Variants in FSIP2 observed in about 807,000 individuals in gnomAD.
The protein encoded by FSIP2 is fibrous sheath-interacting protein 2.
FSIP2 carries 367 observed loss-of-function variants against 510.5 expected under a neutral mutation model. The ratio of observed to expected loss-of-function variants is 0.72; its 90% confidence interval spans 0.66 to 0.78. The LOEUF (loss-of-function observed/expected upper bound fraction) is 0.78. Ranked by LOEUF, FSIP2 falls within the 30% of genes least tolerant of loss-of-function variation. The probability of loss-of-function intolerance (pLI) is 0.00; values close to 1 mark genes in which losing one functional copy is unlikely to be tolerated. For synonymous variants in FSIP2, 2,601 were observed against 2,732.2 expected (o/e 0.95, Z 1.50); for missense variants, 7,594 against 7,901.7 (o/e 0.96, Z 1.48).
chr2:185,763,502 T>G (rs1172320394), intron 12 of FSIP2, among the ~76,000 whole-genome samples: 2 of 151,592 alleles, frequency 1.3e-5, no homozygotes, highest in Admixed American at 6.6e-5. Flanking sequence ...TATCTACAAC[T>G]TTTAGAGGAA....
chr2:185,757,165 T>C (rs912594546), intron 9 of FSIP2, among the ~76,000 whole-genome samples: 10 of 151,470 alleles, frequency 6.6e-5, no homozygotes, highest in African/African-American at 2.2e-4. Context: ...AACTAAGTTA[T>C]CAATTTCTAA....
intron 7 of FSIP2, among the ~76,000 whole-genome samples, chr2:185,748,925 T>C (rs921377488): frequency 6.6e-6 from 1 of 152,124 alleles, no homozygotes; most frequent in African/African-American, 2.4e-5. Flanking sequence ...TGACATTATA[T>C]ATTTTTTCAC....
Position 185,794,415 on chromosome 2 carries a change from G to T in FSIP2, c.7279G>T (p.Glu2427Ter). 2 of 1,516,730 alleles carry T rather than the reference G, an allele frequency of 1.3e-6. No individual in the cohort carries two copies. Among genetic ancestry groups the T allele is most frequent in the South Asian group, 1.3e-5 (1 of 79,898 alleles). The allele number at this position is 1,516,730 out of a possible 1,614,324, so 94.0% of individuals were successfully genotyped here. Reference protein sequence around the residue: ...SNFSQLALSNEILLGHKEKER... With the variant: ...SNFSQLALSN The stretch of plus-strand genomic sequence containing the variant: ...CTTTTCACAATTAGCTTTATCAAAT[G>T]AAATATTGCTGGGTCACAAAGAGAA... The change falls in exon 16 of 23, where the codon GAA (glutamate) becomes TAA (stop). Residue 2427 changes from glutamate to a stop codon, truncating the protein, a stop_gained. Coordinates refer to ENST00000424728, the MANE Select transcript of FSIP2 (RefSeq NM_173651.4). LOFTEE classifies it high-confidence loss of function.
intron 13 of FSIP2, among the ~76,000 whole-genome samples, chr2:185,771,905 A>T (rs1400573619): frequency 6.6e-6 from 1 of 152,098 alleles, no homozygotes; most frequent in Non-Finnish European, 1.5e-5. Context: ...CCAATATCTG[A>T]TTATAGGTTG....
At chr2:185,755,541 C>T (rs1307399175) in intron 8 of FSIP2, among the ~76,000 whole-genome samples, 1 of 151,460 alleles carries the variant, frequency 6.6e-6, no homozygotes, top group African/African-American at 2.4e-5. Context: ...ATATCCATGG[C>T]ACAAATTAAA....
At chr2:185,779,156 C>A (rs866767846) in intron 13 of FSIP2, among the ~76,000 whole-genome samples, 8 of 151,958 alleles carry the variant, frequency 5.3e-5, no homozygotes, top group African/African-American at 1.9e-4. Flanking sequence ...TTTAACTGAA[C>A]CCAATCAATT....
At chr2:185,764,456 A>ATT in intron 12 of FSIP2, 46 bp from the exon 13 acceptor site, 2 of 1,254,030 alleles carry the variant, frequency 1.6e-6, no homozygotes, top group Non-Finnish European at 2.2e-6. Context: ...GAGTCCTAAA[A>ATT]TTTTTTTTTG....
chr2:185,796,481 C>T lies in FSIP2; in HGVS notation c.9345C>T (p.Asn3115=), dbSNP rs910713299. The T allele has an allele frequency of 5.2e-6, 8 of 1,534,878 alleles. No individual in the cohort carries two copies. In the African/African-American group the frequency reaches 5.5e-5, roughly 11 times the overall value. ...EPSSISILKE[N]IVASEIIGTL... Reference sequence around the variant, plus strand: ...CTTCAATTAGCATATTGAAAGAGAACATTGTAGCAAGTGAGATCATTGGCA... The same window carrying T: ...CTTCAATTAGCATATTGAAAGAGAATATTGTAGCAAGTGAGATCATTGGCA... Residue 3115 remains asparagine, a synonymous_variant, in exon 16 of 23, where the codon AAC becomes AAT. Coordinates refer to ENST00000424728, the MANE Select transcript of FSIP2 (RefSeq NM_173651.4).
chr2:185,831,740 T>C, intron 21 of FSIP2, 73 bp from the exon 22 acceptor site: 1 of 902,686 alleles, frequency 1.1e-6, no homozygotes, highest in Non-Finnish European at 1.9e-6. Flanking sequence ...CTAGTGGATT[T>C]GAGGACTTAT....
chr2:185,760,360 TACCATGTG>T (rs1273594728), intron 9 of FSIP2, among the ~76,000 whole-genome samples: 1 of 149,904 alleles, frequency 6.7e-6, no homozygotes, highest in Non-Finnish European at 1.5e-5. Flanking sequence ...AACCTATATT[TACCATGTG>T]ACCAGTCACT....
chr2:185,773,422 A>G (rs1277997188), intron 13 of FSIP2, among the ~76,000 whole-genome samples: 2 of 152,148 alleles, frequency 1.3e-5, no homozygotes, highest in East Asian at 1.9e-4. Context: ...AGCTAATTTT[A>G]TAATTTATTC....
Position 185,799,730 on chromosome 2 carries a change from G to T in FSIP2, c.10424G>T (p.Trp3475Leu). Residue 3475 changes from tryptophan (W) to leucine (L), a missense_variant, in exon 17 of 23, where the codon TGG becomes TTG. Trp to Leu is a moderately conservative substitution (Grantham distance 61). Transcript: ENST00000424728. ...GAGGAAAAGATGTCTGTTTCTACAT[G>T]GTCAAGGAAAAAATATGAATCAAAA... is the stretch of plus-strand genomic sequence containing the variant. ...FSEEKMSVST[W>L]SRKKYESKQF... 4 of 1,435,336 alleles carry T rather than the reference G, an allele frequency of 2.8e-6. No individual in the cohort carries two copies. In the South Asian group the frequency reaches 4.2e-5, roughly 15 times the overall value. 88.9% of individuals were successfully genotyped at this position (1,435,336 alleles called of 1,614,324 possible).
chr2:185,809,253 A>G, intron 17 of FSIP2, 120 bp downstream of exon 17: 2 of 1,103,630 alleles, frequency 1.8e-6, no homozygotes, highest in East Asian at 2.7e-5. Flanking sequence ...TCTCAGCCCA[A>G]TAGGAGAATT....
At chr2:185,779,736 C>T (rs1692802534) in intron 13 of FSIP2, among the ~76,000 whole-genome samples, 2 of 151,986 alleles carry the variant, frequency 1.3e-5, no homozygotes, top group African/African-American at 4.8e-5. Context: ...ATTTTGTTCT[C>T]CACTCATTCC....
intron 17 of FSIP2, among the ~76,000 whole-genome samples, chr2:185,810,705 C>A (rs1303598551): frequency 6.6e-6 from 1 of 151,244 alleles, no homozygotes; most frequent in African/African-American, 2.4e-5. Flanking sequence ...CAGTTCCACA[C>A]AGAGGCTGAA....
At chr2:185,766,318 G>A (rs1692478952) in intron 13 of FSIP2, 1 of 150,326 alleles carries the variant, frequency 6.7e-6, no homozygotes, top group Admixed American at 6.6e-5. Flanking sequence ...TTGACAAATG[G>A]GATCTAATTA....
In FSIP2 at chr2:185,794,901, C is replaced by A. The variant is rs1693231336; in HGVS notation, c.7765C>A (p.Gln2589Lys). 6.5e-7 allele frequency: 1 copy of A among 1,534,150 alleles called. No homozygotes were observed. Among genetic ancestry groups the A allele is most frequent in the South Asian group, 1.2e-5 (1 of 83,984 alleles). The change falls in exon 16 of 23, where the codon CAA (glutamine) becomes AAA (lysine). Residue 2589 changes from glutamine (Q) to lysine (K), a missense_variant. Physicochemically the swap from Gln to Lys is moderately conservative, Grantham distance 53. Coordinates refer to ENST00000424728, the MANE Select transcript of FSIP2 (RefSeq NM_173651.4). ...ACCATTAAGGTTTAGAGAAACTAAA[C>A]AAGCAGGAAAAATAAGTAATTCCCC... ...MKPLRFRETK[Q>K]AGKISNSPRY...
At position 185,805,404 on chromosome 2, in the gene FSIP2, T is replaced by C; in HGVS notation, c.16098T>C (p.His5366=). 1 of 1,602,772 alleles carries C rather than the reference T, an allele frequency of 6.2e-7. No homozygotes were observed. The highest frequency in any genetic ancestry group is 8.5e-7 in the Non-Finnish European group (1 of 1,175,474). ...YEQFIEKCTS[H]DIQKGDESNI... ...AGTTCATAGAAAAATGCACATCTCA[T>C]GATATTCAAAAAGGTGATGAAAGTA... The change falls in exon 17 of 23, where the codon CAT becomes CAC. Residue 5366 remains histidine (H), a synonymous_variant. Transcript: ENST00000424728.
In FSIP2 at chr2:185,807,249, G is replaced by A; in HGVS notation, c.17943G>A (p.Lys5981=). The A allele has an allele frequency of 6.2e-7, 1 of 1,612,054 alleles. No homozygotes were observed. Among genetic ancestry groups the A allele is most frequent in the Non-Finnish European group, 8.5e-7 (1 of 1,179,024 alleles). Residue 5981 remains lysine (K), a synonymous_variant, in exon 17 of 23, where the codon AAG becomes AAA. Transcript: ENST00000424728. ...SVSACLPLES[K]DVVKKVQKLA... ...CAGCATGTTTGCCTCTGGAATCTAAGGATGTTGTTAAAAAGGTCCAAAAGT... is the reference window on the plus strand; with the variant it reads ...CAGCATGTTTGCCTCTGGAATCTAAAGATGTTGTTAAAAAGGTCCAAAAGT...
Sources: gnomAD v4.1 joint callset for allele counts (sites outside exome capture counted in the v4.1 genomes callset) on GRCh38, gnomAD v4.1.1 for gene constraint, MANE v1.5 for transcripts, NCBI Gene and HGNC (gene_info 2026-07-23, HGNC 2026-07-21) for gene names.